Variants in ZBBX observed in about 807,000 individuals in gnomAD.
ZBBX encodes zinc finger B-box domain containing.
Under a neutral mutation model 108.5 loss-of-function variants are expected in ZBBX, and 101 were observed. That is an observed-to-expected ratio of 0.93 (90% CI 0.79 to 1.10). The LOEUF is 1.10. Ranked by LOEUF, ZBBX falls within the 50% of genes least tolerant of loss-of-function variation. The pLI is 0.00. For missense variants in ZBBX, 1,009 were observed against 941.4 expected (o/e 1.07, Z -0.94); for synonymous variants, 356 against 323.4 (o/e 1.10, Z -1.08).
chr3:167,284,179 C>CATAT (rs202245834), intron 19 of ZBBX, among the ~76,000 whole-genome samples: 7,069 of 117,442 alleles, frequency 0.06, 242 homozygotes, highest in Middle Eastern at 0.084. Context: ...GTGTTAAAAA[C>CATAT]ATATATCTAT....
chr3:167,281,005 C>A (rs1191857509), intron 20 of ZBBX, among the ~76,000 whole-genome samples: 1 of 151,984 alleles, frequency 6.6e-6, no homozygotes. Flanking sequence ...ATTGCAAGAA[C>A]AAAAAACCAA....
At chr3:167,397,143 A>AAAAAAAAAAAAAAAAAAAAAAAAT (rs1748264541) in intron 1 of ZBBX, among the ~76,000 whole-genome samples, 1 of 66,674 alleles carries the variant, frequency 1.5e-5, no homozygotes, top group Non-Finnish European at 3.2e-5. Context: ...TCTTGGTGGT[A>AAAAAAAAAAAAAAAAAAAAAAAAT]AAAAAAAAAA....
At chr3:167,318,258 A>G (rs2108300576) in intron 12 of ZBBX, among the ~76,000 whole-genome samples, 1 of 152,132 alleles carries the variant, frequency 6.6e-6, no homozygotes, top group African/African-American at 2.4e-5. Flanking sequence ...GCCTTTCCAT[A>G]CCATGCAAGT....
chr3:167,232,528 G>T, the ZBBX span, among the ~76,000 whole-genome samples: 1 of 151,792 alleles, frequency 6.6e-6, no homozygotes, highest in Non-Finnish European at 1.5e-5. Flanking sequence ...AGGGGAATTT[G>T]TGTGAGACAG....
chr3:167,346,625 G>A lies in ZBBX; in HGVS notation c.528+3795C>T, dbSNP rs150854193. On this transcript the variant is annotated intron_variant, in intron 9 of 21. Coordinates refer to ENST00000675490, the MANE Select transcript of ZBBX (RefSeq NM_001199201.2). ...TAGCAATGCTTAATATTCATCTGTC[G>A]GATGTCTTCCCTAACTTCTCAAATT... Among the ~76,000 whole-genome samples, 271 of 151,862 alleles carry A rather than the reference G, an allele frequency of 1.8e-3. 2 individuals carry two copies. The highest frequency in any genetic ancestry group is 0.01 in the Middle Eastern group (3 of 294).
At chr3:167,402,861 G>A (rs557114958) in intron 1 of ZBBX, among the ~76,000 whole-genome samples, 46 of 150,786 alleles carry the variant, frequency 3.1e-4, no homozygotes, top group African/African-American at 1.1e-3. Context: ...AGACAGGTCA[G>A]GAGAACTTAT....
intron 4 of ZBBX, among the ~76,000 whole-genome samples, chr3:167,372,516 A>G (rs1025491888): frequency 6.6e-6 from 1 of 152,196 alleles, no homozygotes; most frequent in Admixed American, 6.5e-5. Context: ...TTATCCTAAT[A>G]GTCTCCCTAA....
chr3:167,334,642 T>G (rs138075428), intron 9 of ZBBX, among the ~76,000 whole-genome samples: 97 of 152,212 alleles, frequency 6.4e-4, no homozygotes, highest in Non-Finnish European at 1.1e-3. Context: ...TTGGTCACAG[T>G]GCTGAGTGGG....
chr3:167,389,903 A>G (rs1473277994), intron 1 of ZBBX, among the ~76,000 whole-genome samples: 1 of 152,054 alleles, frequency 6.6e-6, no homozygotes, highest in East Asian at 1.9e-4. Flanking sequence ...ATTTTCTCAC[A>G]TTCTGTAGGT....
chr3:167,243,637 C>T (rs1452974284), intron 20 of ZBBX, among the ~76,000 whole-genome samples: 4 of 151,938 alleles, frequency 2.6e-5, no homozygotes, highest in Non-Finnish European at 5.9e-5. Context: ...ACCTCGTGAT[C>T]TGCCCACCTC....
chr3:167,277,360 C>A (rs1303729377), intron 20 of ZBBX, among the ~76,000 whole-genome samples: 1 of 152,104 alleles, frequency 6.6e-6, no homozygotes, highest in African/African-American at 2.4e-5. Context: ...GCCCATCTCA[C>A]GTGCAGAGAC....
At chr3:167,323,243 G>GA (rs986142799) in intron 11 of ZBBX, among the ~76,000 whole-genome samples, 1 of 144,606 alleles carries the variant, frequency 6.9e-6, no homozygotes, top group African/African-American at 2.8e-5. Flanking sequence ...AAAAGAGGGG[G>GA]GGGGGGGAAA....
At chr3:167,223,653 T>C in the ZBBX span, among the ~76,000 whole-genome samples, 5 of 152,090 alleles carry the variant, frequency 3.3e-5, no homozygotes, top group East Asian at 5.8e-4. Flanking sequence ...GGAAGTATGA[T>C]TAATGAACAA....
At chr3:167,404,246 G>A (rs1169702699) in intron 1 of ZBBX, among the ~76,000 whole-genome samples, 3 of 152,104 alleles carry the variant, frequency 2.0e-5, no homozygotes, top group Non-Finnish European at 1.5e-5. Flanking sequence ...TTCTAAGTGT[G>A]CATGCTACTT....
intron 17 of ZBBX, among the ~76,000 whole-genome samples, chr3:167,303,460 T>G (rs1268964607): frequency 1.3e-5 from 2 of 152,186 alleles, no homozygotes; most frequent in Non-Finnish European, 2.9e-5. Context: ...GTAATACATC[T>G]AATATATTTG....
downstream of ZBBX, among the ~76,000 whole-genome samples, chr3:167,239,058 C>A (rs893162542): frequency 7.9e-5 from 12 of 151,984 alleles, no homozygotes; most frequent in Non-Finnish European, 1.0e-4. Flanking sequence ...TCAAGAATTG[C>A]CTCATGCAAT....
chr3:167,222,889 A>G, the ZBBX span, among the ~76,000 whole-genome samples: 3 of 151,874 alleles, frequency 2.0e-5, no homozygotes, highest in Non-Finnish European at 4.4e-5. Context: ...CTGTAGGATG[A>G]CTATATTTAA....
chr3:167,281,281 A>C (rs888835042), intron 20 of ZBBX, among the ~76,000 whole-genome samples: 7 of 152,180 alleles, frequency 4.6e-5, no homozygotes, highest in Non-Finnish European at 8.8e-5. Context: ...TAAGTAAAAA[A>C]TGATTCTCAC....
the ZBBX span, among the ~76,000 whole-genome samples, chr3:167,231,281 G>C: frequency 1.3e-5 from 2 of 151,898 alleles, no homozygotes; most frequent in East Asian, 1.9e-4. Context: ...CATAGCAATA[G>C]TCAGAGGCTG....
Sources: allele counts gnomAD v4.1 joint callset (sites outside exome capture counted in the v4.1 genomes callset), GRCh38; gene constraint gnomAD v4.1.1; transcripts MANE v1.5; gene names NCBI Gene and HGNC (gene_info 2026-07-23, HGNC 2026-07-21).